The following VPS54 variants were observed in gnomAD, a reference collection of about 807,000 sequenced individuals.
VPS54 encodes VPS54 subunit of GARP complex.
A neutral mutation model predicts 121.5 loss-of-function variants in VPS54; 45 were observed. That is an observed-to-expected ratio of 0.37 (90% CI 0.29 to 0.47). VPS54 has a LOEUF of 0.47. Among genes scored for constraint, VPS54 ranks in the 20% least tolerant of loss-of-function variants. The pLI, the probability that VPS54 is intolerant of heterozygous loss-of-function variation, is 0.99. For missense variants in VPS54, 1,090 were observed against 1,131.4 expected, an observed-to-expected ratio of 0.96 and a Z score of 0.52; for synonymous variants, 371 against 385.8, an observed-to-expected ratio of 0.96 and a Z score of 0.45.
intron 21 of VPS54, among the ~76,000 whole-genome samples, chr2:63,898,593 C>G (rs925838951): frequency 6.6e-6 from 1 of 152,142 alleles, no homozygotes; most frequent in Non-Finnish European, 1.5e-5. Flanking sequence ...GAAAGCCACC[C>G]TCTGCTCCCA....
At chr2:63,986,007 C>G (rs1195736041) in intron 1 of VPS54, among the ~76,000 whole-genome samples, 1 of 152,140 alleles carries the variant, frequency 6.6e-6, no homozygotes, top group Non-Finnish European at 1.5e-5. Context: ...AAAGACAATT[C>G]TACATTTAAG....
At chr2:63,909,096 AG>A (rs1200210570) in intron 20 of VPS54, among the ~76,000 whole-genome samples, 1 of 152,198 alleles carries the variant, frequency 6.6e-6, no homozygotes, top group East Asian at 1.9e-4. Flanking sequence ...CTCCTTCACC[AG>A]CTGACACCAT....
chr2:63,921,121 T>C (rs1347153370), intron 13 of VPS54, 85 bp downstream of exon 13: 8 of 1,409,722 alleles, frequency 5.7e-6, no homozygotes, highest in Middle Eastern at 2.6e-4. Context: ...ATATGCATTA[T>C]GGGGAACACA....
At chr2:63,973,381 CAT>C (rs1676374378) in intron 3 of VPS54, among the ~76,000 whole-genome samples, 1 of 152,146 alleles carries the variant, frequency 6.6e-6, no homozygotes, top group Non-Finnish European at 1.5e-5. Context: ...ATACATATAA[CAT>C]AAAATTTATC....
chr2:63,949,945 G>A (rs1675161946), intron 7 of VPS54, among the ~76,000 whole-genome samples: 1 of 152,158 alleles, frequency 6.6e-6, no homozygotes, highest in Non-Finnish European at 1.5e-5. Context: ...ATTGTCTAAT[G>A]TCATCTTGTT....
intron 20 of VPS54, among the ~76,000 whole-genome samples, chr2:63,901,026 C>A (rs1672660716): frequency 6.6e-6 from 1 of 152,212 alleles, no homozygotes; most frequent in South Asian, 2.1e-4. Flanking sequence ...TCCCAAAGTG[C>A]TGGGATTACA....
chr2:63,926,403 T>C (rs1332406186), intron 12 of VPS54, among the ~76,000 whole-genome samples: 1 of 152,180 alleles, frequency 6.6e-6, no homozygotes, highest in Non-Finnish European at 1.5e-5. Context: ...GCTCAGGGTT[T>C]GGTTTGTTTG....
At position 63,893,344 on chromosome 2, in the gene VPS54, C is replaced by CA; in HGVS notation, c.*85dup. Reference sequence around the variant, plus strand: ...CCCAGTTCACTTTGGGTTTCAGGTTCAATTCTCGAATCACAGGCATCCAGA... The same window carrying CA: ...CCCAGTTCACTTTGGGTTTCAGGTTCAAATTCTCGAATCACAGGCATCCAGA... On this transcript the variant is annotated 3_prime_UTR_variant, in exon 23 of 23. Coordinates refer to ENST00000272322, the MANE Select transcript of VPS54 (RefSeq NM_016516.3). 1 of 1,200,190 alleles carries CA rather than the reference C, an allele frequency of 8.3e-7. No homozygotes were observed. Among genetic ancestry groups the CA allele is most frequent in the Non-Finnish European group, 1.2e-6 (1 of 803,088 alleles). The allele number at this position is 1,200,190 out of a possible 1,614,324, so 74.3% of individuals were successfully genotyped here. A position where few individuals can be genotyped will look rare whatever the true frequency, so the allele number is the denominator to read the frequency against.
intron 3 of VPS54, among the ~76,000 whole-genome samples, chr2:63,976,658 G>A (rs1676544926): frequency 6.6e-6 from 1 of 151,908 alleles, no homozygotes; most frequent in African/African-American, 2.4e-5. Flanking sequence ...TGTTGTGTAA[G>A]CTTTGGTAAA....
chr2:63,915,167 A>T (rs1673324966), intron 16 of VPS54, among the ~76,000 whole-genome samples: 1 of 151,274 alleles, frequency 6.6e-6, no homozygotes. Flanking sequence ...AAAAAAAAAA[A>T]AAAAAAAAAA....
chr2:64,014,956 TA>T (rs1263539485), intron 1 of VPS54, among the ~76,000 whole-genome samples: 2 of 152,038 alleles, frequency 1.3e-5, no homozygotes, highest in Admixed American at 1.3e-4. Flanking sequence ...GTGGAGCTCA[TA>T]GGGGAAAAAA....
At chr2:63,997,721 T>C (rs1424231664) in intron 1 of VPS54, among the ~76,000 whole-genome samples, 1 of 152,024 alleles carries the variant, frequency 6.6e-6, no homozygotes, top group Non-Finnish European at 1.5e-5. Flanking sequence ...AGCTTTGTTA[T>C]TTCTTTTTTT....
At chr2:63,904,214 C>A (rs1383532490) in intron 20 of VPS54, among the ~76,000 whole-genome samples, 5 of 151,848 alleles carry the variant, frequency 3.3e-5, no homozygotes, top group Admixed American at 6.6e-5. Context: ...CCGAGGTGGG[C>A]GGATCACTTG....
intron 20 of VPS54, among the ~76,000 whole-genome samples, chr2:63,904,785 T>C (rs528918063): frequency 5.3e-4 from 81 of 152,318 alleles, no homozygotes; most frequent in Non-Finnish European, 6.6e-4. Context: ...AGCCAAGATA[T>C]TCTTTGGCCA....
At chr2:64,003,939 T>G (rs1678005103) in intron 1 of VPS54, among the ~76,000 whole-genome samples, 1 of 152,054 alleles carries the variant, frequency 6.6e-6, no homozygotes, top group South Asian at 2.1e-4. Context: ...ACCAGGACTC[T>G]TTGAAAGAAT....
chr2:63,934,867 T>C (rs142702177), intron 11 of VPS54, among the ~76,000 whole-genome samples: 1 of 152,296 alleles, frequency 6.6e-6, no homozygotes, highest in East Asian at 1.9e-4. Flanking sequence ...TGTAAACTAA[T>C]GTCTTTATGG....
Position 63,942,451 on chromosome 2 carries a change from AT to A in VPS54, c.1398+13del. The A allele has an allele frequency of 6.5e-7, 1 of 1,547,808 alleles. No individual in the cohort carries two copies. Among genetic ancestry groups the A allele is most frequent in the Non-Finnish European group, 8.7e-7 (1 of 1,147,176 alleles). On this transcript the variant is annotated intron_variant, in intron 11 of 22. Coordinates refer to ENST00000272322, the MANE Select transcript of VPS54 (RefSeq NM_016516.3). Reference sequence around the variant, plus strand: ...TTTTAGGGATATTCTAGACAAACTAATTTATAAGCTTACCTTCACTCTCTGT... The same window carrying A: ...TTTTAGGGATATTCTAGACAAACTAATTATAAGCTTACCTTCACTCTCTGT...
At chr2:63,977,920 G>GT (rs1260574608) in intron 3 of VPS54, among the ~76,000 whole-genome samples, 1 of 152,210 alleles carries the variant, frequency 6.6e-6, no homozygotes, top group Non-Finnish European at 1.5e-5. Flanking sequence ...TTGTGTCCTT[G>GT]TTTTTCACCT....
intron 3 of VPS54, chr2:63,975,301 G>A: frequency 6.0e-6 from 2 of 333,412 alleles, no homozygotes; most frequent in Non-Finnish European, 1.1e-5. Flanking sequence ...ACTAACTTTG[G>A]GAGGAACTTA....
Sources: gnomAD v4.1 joint callset for allele counts (sites outside exome capture counted in the v4.1 genomes callset) on GRCh38, gnomAD v4.1.1 for gene constraint, MANE v1.5 for transcripts, NCBI Gene and HGNC (gene_info 2026-07-23, HGNC 2026-07-21) for gene names.